ZNF827: variants seen among roughly 807,000 people sequenced by gnomAD.
ZNF827 encodes the protein zinc finger protein 827.
In ZNF827, 13 loss-of-function variants were observed where a neutral mutation model predicts 102.4. That is an observed-to-expected ratio of 0.13 (90% CI 0.08 to 0.20). The LOEUF (loss-of-function observed/expected upper bound fraction) is 0.20. ZNF827 is among the 10% of genes least tolerant of loss of function. The pLI is 1.00. For missense variants in ZNF827, 1,103 were observed against 1,344.4 expected, an observed-to-expected ratio of 0.82 and a Z score of 2.81; for synonymous variants, 523 against 536.2, an observed-to-expected ratio of 0.98 and a Z score of 0.34.
At chr4:145,839,522 CG>C (rs745635412) in intron 7 of ZNF827, 4 of 152,224 alleles carry the variant, frequency 2.6e-5, no homozygotes, top group Non-Finnish European at 4.4e-5. Context: ...AAGTTACAGA[CG>C]ATGCTAGTGA....
In ZNF827 at chr4:145,846,761, G is replaced by A. The variant is rs533299637; in HGVS notation, c.2222-748C>T. ...GAACCCGGGAGGCGGAGCTTGCAGC[G>A]AGCCGAGATCGCGCCACTACACTCC... On this transcript the variant is annotated intron_variant, in intron 6 of 14. Transcript: ENST00000508784. 2.0e-3 allele frequency among the ~76,000 whole-genome samples: 292 copies of A among 143,180 alleles called. 3 individuals carry two copies. The highest frequency in any genetic ancestry group is 7.2e-3 in the African/African-American group (272 of 37,786). The allele number at this position is 143,180 out of a possible 152,430, so 93.9% of individuals were successfully genotyped here.
intron 4 of ZNF827, among the ~76,000 whole-genome samples, chr4:145,884,086 G>A (rs1017801693): frequency 1.3e-5 from 2 of 152,216 alleles, no homozygotes; most frequent in African/African-American, 4.8e-5. Context: ...AGAGAAGCCA[G>A]TGTTCTTTAG....
Position 145,917,700 on chromosome 4 carries a change from C to CAAAAA in ZNF827, c.44-14490_44-14486dup, listed in dbSNP as rs763617063. On this transcript the variant is annotated intron_variant, in intron 1 of 14. Transcript: ENST00000508784. ...AAGGCTCAACTCCAAGGTAGCTGGT[C>CAAAAA]AAAAAAAAAAAAAAAAAAAAAAAAA... Among the ~76,000 whole-genome samples the CAAAAA allele has an allele frequency of 9.7e-3, 453 of 46,470 alleles. 12 individuals carry two copies. The highest frequency in any genetic ancestry group is 9.9e-3 in the African/African-American group (130 of 13,098). 30.5% of individuals were successfully genotyped at this position (46,470 alleles called of 152,430 possible). A position where few individuals can be genotyped will look rare whatever the true frequency, so the allele number is the denominator to read the frequency against.
At chr4:145,808,629 T>C (rs1435652585) in intron 8 of ZNF827, among the ~76,000 whole-genome samples, 1 of 152,214 alleles carries the variant, frequency 6.6e-6, no homozygotes, top group African/African-American at 2.4e-5. Flanking sequence ...AACATTCAAA[T>C]AGTGTTCCTT....
Position 145,851,271 on chromosome 4 carries a change from CAGATAGAT to C in ZNF827, c.1982-1718_1982-1711del, listed in dbSNP as rs10581131. On this transcript the variant is annotated intron_variant, in intron 5 of 14. Coordinates refer to ENST00000508784, the MANE Select transcript of ZNF827 (RefSeq NM_001306215.2). ...TTGCTACAGCAGACCTAGGAAACTT[CAGATAGAT>C]AGATAGATAGATAGATAGACAGACA... Among the ~76,000 whole-genome samples the C allele has an allele frequency of 3.1e-3, 471 of 151,562 alleles. 2 individuals carry two copies. The highest frequency in any genetic ancestry group is 9.9e-3 in the African/African-American group (407 of 41,248).
chr4:145,814,689 C>T (rs1579268110), intron 8 of ZNF827, among the ~76,000 whole-genome samples: 1 of 150,352 alleles, frequency 6.7e-6, no homozygotes, highest in South Asian at 2.1e-4. Context: ...TTTGGGAGGC[C>T]GAGGCGGGCG....
chr4:145,800,357 CT>C (rs749609571), intron 8 of ZNF827, among the ~76,000 whole-genome samples: 388 of 143,002 alleles, frequency 2.7e-3, no homozygotes, highest in Middle Eastern at 3.6e-3. Context: ...ATAGCTGGTC[CT>C]TTTTTTTTTT....
intron 7 of ZNF827, among the ~76,000 whole-genome samples, chr4:145,836,115 G>A (rs973126746): frequency 1.3e-5 from 2 of 152,030 alleles, no homozygotes; most frequent in Non-Finnish European, 2.9e-5. Flanking sequence ...CTGCCGCAAA[G>A]CTTCACAGAC....
intron 2 of ZNF827, among the ~76,000 whole-genome samples, chr4:145,893,027 C>T (rs1750726114): frequency 6.6e-6 from 1 of 152,176 alleles, no homozygotes. Flanking sequence ...ATCAGGGGGT[C>T]TTAAGGTCAG....
intron 1 of ZNF827, among the ~76,000 whole-genome samples, chr4:145,923,417 C>G (rs959529281): frequency 2.0e-5 from 3 of 147,358 alleles, no homozygotes; most frequent in African/African-American, 7.5e-5. Flanking sequence ...CCAGCCTGGC[C>G]AACGTGGTGA....
intron 4 of ZNF827, among the ~76,000 whole-genome samples, chr4:145,884,505 C>T (rs554599895): frequency 6.6e-6 from 1 of 152,314 alleles, no homozygotes; most frequent in Admixed American, 6.5e-5. Context: ...TGGGGACTTC[C>T]ATCTTCACTG....
rs1734050016 is a variant in ZNF827 at position 145,757,628 on chromosome 4, A to G, written c.*3988T>C. 6.6e-6 allele frequency: 1 copy of G among 151,368 alleles called. No homozygotes were observed. The allele number at this position is 151,368 out of a possible 1,614,324, so 9.4% of individuals were successfully genotyped here. On this transcript the variant is annotated 3_prime_UTR_variant, in exon 15 of 15. Transcript: ENST00000508784. ...CCAAAAAAGAAAAAGAAACAAGAGT[A>G]TAGCCAACCTTTTTTTTTTTTTAAT...
chr4:145,829,946 A>C (rs1744044574), intron 7 of ZNF827, among the ~76,000 whole-genome samples: 1 of 152,256 alleles, frequency 6.6e-6, no homozygotes, highest in African/African-American at 2.4e-5. Flanking sequence ...GGAGTTACAC[A>C]CGGCATTAAC....
intron 4 of ZNF827, among the ~76,000 whole-genome samples, chr4:145,883,489 C>T (rs1461386498): frequency 1.3e-5 from 2 of 152,172 alleles, no homozygotes; most frequent in Admixed American, 1.3e-4. Flanking sequence ...CTCGTGTCTG[C>T]TGCTTGCAGT....
intron 1 of ZNF827, among the ~76,000 whole-genome samples, chr4:145,909,755 C>A (rs1388953498): frequency 6.6e-6 from 1 of 152,162 alleles, no homozygotes; most frequent in Non-Finnish European, 1.5e-5. Flanking sequence ...AAAACACATC[C>A]GCATTTAGGC....
rs970127932 is a variant in ZNF827 at position 145,784,349 on chromosome 4, G to A, written c.2384-4838C>T. ...TAAGTCCCTGTTTGTTTCAGCCACCGTTGGTTGGGTTTTCTATTACTTATA... is the reference window on the plus strand; with the variant it reads ...TAAGTCCCTGTTTGTTTCAGCCACCATTGGTTGGGTTTTCTATTACTTATA... On this transcript the variant is annotated intron_variant, in intron 8 of 14. Coordinates refer to ENST00000508784, the MANE Select transcript of ZNF827 (RefSeq NM_001306215.2). Among the ~76,000 whole-genome samples, 3 of 152,162 alleles carry A rather than the reference G, an allele frequency of 2.0e-5. No individual in the cohort carries two copies. The East Asian group carries it at 5.8e-4, about 29-fold the overall frequency.
intron 5 of ZNF827, among the ~76,000 whole-genome samples, 193 bp from the exon 6 acceptor site, chr4:145,849,754 A>AG (rs1746342450): frequency 6.6e-6 from 1 of 152,094 alleles, no homozygotes. Flanking sequence ...AGGAGACTTC[A>AG]GTTTTTTTTA....
rs115712389 is a variant in ZNF827, at chr4:145,802,736, T to C, written c.2383+20686A>G. ...ACCCTGGGACATGAAGGCGGGAGAA[T>C]AGCTTGAGCCCAGGAGTTCATGGAG... On this transcript the variant is annotated intron_variant, in intron 8 of 14. Transcript: ENST00000508784. Among the ~76,000 whole-genome samples, 678 of 152,314 alleles carry C rather than the reference T, an allele frequency of 4.5e-3. 3 individuals carry two copies. Among genetic ancestry groups the C allele is most frequent in the African/African-American group, 0.015 (636 of 41,562 alleles).
At chr4:145,846,892 G>A (rs1746019737) in intron 6 of ZNF827, among the ~76,000 whole-genome samples, 1 of 148,784 alleles carries the variant, frequency 6.7e-6, no homozygotes, top group Non-Finnish European at 1.5e-5. Flanking sequence ...TGTGGCTCAT[G>A]CCTGTAATCC....
Sources: gnomAD v4.1 joint callset for allele counts (sites outside exome capture counted in the v4.1 genomes callset) on GRCh38, gnomAD v4.1.1 for gene constraint, MANE v1.5 for transcripts, NCBI Gene and HGNC (gene_info 2026-07-23, HGNC 2026-07-21) for gene names.